The following TXNRD1 variants were observed in gnomAD, a reference collection of about 807,000 sequenced individuals.
The protein encoded by TXNRD1 is thioredoxin reductase 1, cytoplasmic.
A neutral mutation model predicts 80.3 loss-of-function variants in TXNRD1; 57 were observed. The observed-to-expected ratio is 0.71, with a 90% CI of 0.57 to 0.89. The LOEUF is 0.89. TXNRD1 is among the 40% of genes least tolerant of loss of function. TXNRD1 has a pLI of 0.00. For synonymous variants in TXNRD1, 291 were observed against 285.2 expected (o/e 1.02, Z -0.20); for missense variants, 730 against 803.0 (o/e 0.91, Z 1.10).
intron 2 of TXNRD1, among the ~76,000 whole-genome samples, chr12:104,256,786 A>AAAAAAAAG (rs1555208099): frequency 3.3e-5 from 5 of 149,454 alleles, no homozygotes; most frequent in Non-Finnish European, 7.4e-5. Context: ...CAAAAAAAAA[A>AAAAAAAAG]AAAAAGAAAA....
At chr12:104,220,732 A>G (rs1294792881) in intron 1 of TXNRD1, among the ~76,000 whole-genome samples, 8 of 48,514 alleles carry the variant, frequency 1.6e-4, no homozygotes, top group Non-Finnish European at 2.6e-4. Context: ...TCTCCAAAAA[A>G]AAAAAAACGG....
intron 4 of TXNRD1, chr12:104,304,588 A>C: frequency 6.2e-7 from 1 of 1,614,024 alleles, no homozygotes; most frequent in Middle Eastern, 1.6e-4. Context: ...AAGCGACAGA[A>C]AAAAACGTAG....
chr12:104,267,821 TC>T (rs1375129377), intron 3 of TXNRD1, among the ~76,000 whole-genome samples: 2 of 131,014 alleles, frequency 1.5e-5, no homozygotes, highest in African/African-American at 5.6e-5. Flanking sequence ...CTTCCTTCCC[TC>T]CCTCCCTCCT....
intron 4 of TXNRD1, chr12:104,304,003 A>G (rs1450788027): frequency 6.2e-7 from 1 of 1,610,968 alleles, no homozygotes; most frequent in Non-Finnish European, 8.5e-7. Context: ...AGGCCGACGT[A>G]GACCCAAAGC....
chr12:104,266,606 G>T (rs972285894), intron 3 of TXNRD1, among the ~76,000 whole-genome samples: 2 of 151,762 alleles, frequency 1.3e-5, no homozygotes, highest in Non-Finnish European at 2.9e-5. Context: ...GCCGAGGCAA[G>T]CGGATCACAA....
intron 1 of TXNRD1, among the ~76,000 whole-genome samples, chr12:104,229,923 C>T (rs2032577326): frequency 6.6e-6 from 1 of 151,838 alleles, no homozygotes; most frequent in Admixed American, 6.6e-5. Context: ...ACTTCTTGGA[C>T]ATTTGGGTTG....
chr12:104,333,237 G>A (rs963020385), intron 14 of TXNRD1, among the ~76,000 whole-genome samples: 1 of 151,852 alleles, frequency 6.6e-6, no homozygotes, highest in African/African-American at 2.4e-5. Flanking sequence ...CTGTGTGAGT[G>A]TGTATATACA....
At chr12:104,319,655 C>T in intron 9 of TXNRD1, 70 bp downstream of exon 9, 1 of 1,132,660 alleles carries the variant, frequency 8.8e-7, no homozygotes, top group Non-Finnish European at 1.3e-6. Context: ...TTCTTCAAAC[C>T]CACTGCGTCA....
At chr12:104,333,223 T>A (rs2135868254) in intron 14 of TXNRD1, among the ~76,000 whole-genome samples, 1 of 152,168 alleles carries the variant, frequency 6.6e-6, no homozygotes, top group Middle Eastern at 3.4e-3. Flanking sequence ...TGAAGATAGA[T>A]TTCCTGTGTG....
At chr12:104,322,652 T>A (rs2035579206) in intron 10 of TXNRD1, among the ~76,000 whole-genome samples, 1 of 152,152 alleles carries the variant, frequency 6.6e-6, no homozygotes, top group African/African-American at 2.4e-5. Flanking sequence ...AGTGCTGAGA[T>A]TACAGGCCTG....
At chr12:104,302,486 CTTTTT>C (rs772202256) in intron 4 of TXNRD1, among the ~76,000 whole-genome samples, 7 of 76,234 alleles carry the variant, frequency 9.2e-5, no homozygotes, top group South Asian at 1.1e-3. Context: ...TATTCATTCC[CTTTTT>C]TTTTTTTTTT....
At chr12:104,273,126 C>T (rs1005071179) in intron 3 of TXNRD1, among the ~76,000 whole-genome samples, 1 of 152,202 alleles carries the variant, frequency 6.6e-6, no homozygotes, top group South Asian at 2.1e-4. Context: ...ATAAGCAGAC[C>T]TACAGCACCA....
chr12:104,332,423 T>A (rs2035981911), intron 14 of TXNRD1, among the ~76,000 whole-genome samples: 1 of 152,188 alleles, frequency 6.6e-6, no homozygotes, highest in Non-Finnish European at 1.5e-5. Flanking sequence ...GGTCTATTAG[T>A]AACACATTAT....
intron 14 of TXNRD1, 82 bp downstream of exon 14, chr12:104,331,723 A>G (rs2035954579): frequency 1.1e-6 from 1 of 899,192 alleles, no homozygotes; most frequent in East Asian, 2.7e-5. Context: ...AGACTTAAAA[A>G]ATAGTACAAA....
chr12:104,309,123 C>T (rs2035039231), intron 4 of TXNRD1, among the ~76,000 whole-genome samples: 1 of 152,092 alleles, frequency 6.6e-6, no homozygotes, highest in Non-Finnish European at 1.5e-5. Flanking sequence ...TGATTGTGAA[C>T]TCCTGAGCTC....
intron 4 of TXNRD1, chr12:104,309,875 C>G (rs2083371202): frequency 1.3e-6 from 2 of 1,535,892 alleles, no homozygotes; most frequent in African/African-American, 2.7e-5. Flanking sequence ...GCAGTCTTGC[C>G]CCCACTGTTG....
rs1047562522 is a variant in TXNRD1 at position 104,296,667 on chromosome 12, T to C, written c.414+7627T>C. 5.9e-5 allele frequency among the ~76,000 whole-genome samples: 9 copies of C among 152,372 alleles called. No homozygotes were observed. The East Asian group carries it at 1.3e-3, about 23-fold the overall frequency. ...ATACCTAGTGTGCATTCAGTAAATA[T>C]GTATTGAGTGAATAGATCGTGGTAG... On this transcript the variant is annotated intron_variant, in intron 4 of 16. Transcript: ENST00000525566.
rs1424527186 is a variant in TXNRD1, at chr12:104,326,358, A to G, written c.1320A>G (p.Ala440=). 1 of 1,590,944 alleles carries G rather than the reference A, an allele frequency of 6.3e-7. No homozygotes were observed. Among genetic ancestry groups the G allele is most frequent in the Non-Finnish European group, 8.5e-7 (1 of 1,170,492 alleles). Residue 440 remains alanine (A), a synonymous_variant, in exon 12 of 17, where the codon GCA becomes GCG. Transcript: ENST00000525566. ...IEGEYNTVML[A]IGRDACTRKI... ...TAATAATTTTTCAGGTGATGCTGGC[A>G]ATAGGAAGAGATGCTTGCACAAGAA...
At position 104,215,907 on chromosome 12, in the gene TXNRD1, C is replaced by T; in HGVS notation, c.91+14C>T. 1 of 1,547,404 alleles carries T rather than the reference C, an allele frequency of 6.5e-7. No individual in the cohort carries two copies. The highest frequency in any genetic ancestry group is 8.7e-7 in the Non-Finnish European group (1 of 1,144,054). ...GCCGTAGGTCAGGTACGACCGAGGGCGAAGGCCTGGTCCCCAGGTCGACGG... is the reference window on the plus strand; with the variant it reads ...GCCGTAGGTCAGGTACGACCGAGGGTGAAGGCCTGGTCCCCAGGTCGACGG... On this transcript the variant is annotated intron_variant, in intron 1 of 16. Transcript: ENST00000525566.
Sources: gnomAD v4.1 joint callset for allele counts (sites outside exome capture counted in the v4.1 genomes callset) on GRCh38, gnomAD v4.1.1 for gene constraint, MANE v1.5 for transcripts, NCBI Gene and HGNC (gene_info 2026-07-23, HGNC 2026-07-21) for gene names.